FHIT: variants seen among roughly 807,000 people sequenced by gnomAD.
FHIT encodes bis(5'-adenosyl)-triphosphatase.
Under a neutral mutation model 17.9 loss-of-function variants are expected in FHIT, and 19 were observed. That is an observed-to-expected ratio of 1.06 (90% CI 0.74 to 1.56). The LOEUF (loss-of-function observed/expected upper bound fraction) is 1.56, where lower values mean the gene tolerates loss of function less well. Ranked by LOEUF, FHIT falls within the 40% of genes most tolerant of loss-of-function variation. The probability of loss-of-function intolerance (pLI) is 0.00; values close to 1 mark genes in which losing one functional copy is unlikely to be tolerated. For synonymous variants in FHIT, 81 were observed against 69.7 expected (o/e 1.16, Z -0.81); for missense variants, 248 against 189.2 (o/e 1.31, Z -1.82).
chr3:60,544,899 C>A (rs908856134), intron 4 of FHIT, among the ~76,000 whole-genome samples: 12 of 152,110 alleles, frequency 7.9e-5, no homozygotes, highest in Non-Finnish European at 1.6e-4. Flanking sequence ...GCTCAGCCAA[C>A]TTATCTAGTT....
At chr3:60,710,045 C>T (rs1342031870) in intron 4 of FHIT, among the ~76,000 whole-genome samples, 1 of 139,330 alleles carries the variant, frequency 7.2e-6, no homozygotes, top group South Asian at 2.3e-4. Flanking sequence ...GTTCTTTCTG[C>T]ATACTTCCCA....
intron 4 of FHIT, among the ~76,000 whole-genome samples, chr3:60,725,934 TA>T (rs1172040945): frequency 6.6e-6 from 1 of 152,094 alleles, no homozygotes; most frequent in South Asian, 2.1e-4. Flanking sequence ...CTCACTGATG[TA>T]AAAAAATTTT....
intron 1 of FHIT, among the ~76,000 whole-genome samples, chr3:61,235,489 G>C (rs567962642): frequency 4.6e-5 from 7 of 152,114 alleles, no homozygotes; most frequent in Non-Finnish European, 1.0e-4. Context: ...ATAGATCATG[G>C]ACCTGAAATT....
intron 5 of FHIT, among the ~76,000 whole-genome samples, chr3:60,027,803 A>G (rs1253842195): frequency 1.3e-5 from 2 of 152,024 alleles, no homozygotes; most frequent in East Asian, 3.9e-4. Context: ...ATCCATCATA[A>G]TTTAGCTAAC....
intron 2 of FHIT, among the ~76,000 whole-genome samples, chr3:61,117,974 ATTTTATTAAATACTT>A (rs2036349249): frequency 6.6e-6 from 1 of 152,104 alleles, no homozygotes; most frequent in African/African-American, 2.4e-5. Context: ...ATTCTATTTC[ATTTTATTAAATACTT>A]TTATTTACTC....
At chr3:60,421,856 G>A (rs1244365781) in intron 5 of FHIT, among the ~76,000 whole-genome samples, 1 of 152,130 alleles carries the variant, frequency 6.6e-6, no homozygotes, top group African/African-American at 2.4e-5. Context: ...TGTATGTGAT[G>A]AGTATGGAAA....
At chr3:60,892,577 T>C (rs1432881884) in intron 3 of FHIT, among the ~76,000 whole-genome samples, 3 of 152,206 alleles carry the variant, frequency 2.0e-5, no homozygotes, top group Non-Finnish European at 2.9e-5. Flanking sequence ...GAAGCAGCTA[T>C]CCTTTCTCCT....
chr3:61,172,667 T>A (rs1048240673), intron 2 of FHIT, among the ~76,000 whole-genome samples: 9 of 146,628 alleles, frequency 6.1e-5, no homozygotes, highest in East Asian at 2.0e-4. Context: ...TAGATGGTTA[T>A]GTGACTATGT....
At chr3:60,910,224 G>A (rs1357417400) in intron 3 of FHIT, among the ~76,000 whole-genome samples, 1 of 152,034 alleles carries the variant, frequency 6.6e-6, no homozygotes, top group African/African-American at 2.4e-5. Context: ...AAGGCTTTCC[G>A]AGATCTTGGG....
rs371292679 is a variant in FHIT, at chr3:60,083,015, G to A, written c.104-68863C>T. ...GTGTTTATGTTACATTGCTTTTGAAGACTTTGTCATAAATTATTTCCCAAG... is the reference window on the plus strand; with the variant it reads ...GTGTTTATGTTACATTGCTTTTGAAAACTTTGTCATAAATTATTTCCCAAG... On this transcript the variant is annotated intron_variant, in intron 5 of 9. Transcript: ENST00000492590. Among the ~76,000 whole-genome samples the A allele has an allele frequency of 3.9e-5, 6 of 152,176 alleles. No homozygotes were observed. The East Asian group carries it at 7.7e-4, about 20-fold the overall frequency.
intron 5 of FHIT, among the ~76,000 whole-genome samples, chr3:60,117,546 T>C (rs34737256): frequency 0.3 from 44,374 of 146,606 alleles, 7,174 homozygotes; most frequent in Non-Finnish European, 0.36. Flanking sequence ...TAGGTAATTA[T>C]ATTTTTTATG....
intron 2 of FHIT, among the ~76,000 whole-genome samples, chr3:61,052,402 T>A (rs2034060608): frequency 6.6e-6 from 1 of 152,152 alleles, no homozygotes; most frequent in Admixed American, 6.5e-5. Flanking sequence ...TATCCAGGAC[T>A]CACACCCACG....
At chr3:60,768,893 A>T (rs1333339504) in intron 4 of FHIT, among the ~76,000 whole-genome samples, 5 of 152,214 alleles carry the variant, frequency 3.3e-5, no homozygotes, top group African/African-American at 1.2e-4. Context: ...CCCTCCAGCC[A>T]CCTGGGGGCA....
At chr3:60,144,474 C>G (rs1483355079) in intron 5 of FHIT, among the ~76,000 whole-genome samples, 3 of 152,148 alleles carry the variant, frequency 2.0e-5, no homozygotes, top group Non-Finnish European at 4.4e-5. Context: ...GCTATAGTTA[C>G]AAAGGCACCA....
intron 5 of FHIT, among the ~76,000 whole-genome samples, chr3:60,509,345 C>A (rs1248973466): frequency 6.6e-6 from 1 of 152,176 alleles, no homozygotes. Flanking sequence ...AGTCTATGAC[C>A]TGCTTCCCAT....
At chr3:61,201,219 A>G (rs1358022154) in intron 1 of FHIT, among the ~76,000 whole-genome samples, 1 of 152,218 alleles carries the variant, frequency 6.6e-6, no homozygotes, top group Non-Finnish European at 1.5e-5. Context: ...CTCTCGGAAG[A>G]AACTCACAAA....
At chr3:60,722,785 C>T (rs184623135) in intron 4 of FHIT, among the ~76,000 whole-genome samples, 6 of 146,706 alleles carry the variant, frequency 4.1e-5, no homozygotes, top group South Asian at 2.2e-4. Flanking sequence ...TGCAGTGGCG[C>T]GATCTCGGCT....
Position 59,811,366 on chromosome 3 carries a change from G to A in FHIT, c.349-59045C>T, listed in dbSNP as rs138333198. Among the ~76,000 whole-genome samples, 409 of 152,244 alleles carry A rather than the reference G, an allele frequency of 2.7e-3. 2 individuals carry two copies. The highest frequency in any genetic ancestry group is 9.6e-3 in the African/African-American group (397 of 41,542). On this transcript the variant is annotated intron_variant, in intron 8 of 9. Coordinates refer to ENST00000492590, the MANE Select transcript of FHIT (RefSeq NM_002012.4). ...ACAAAGTGATTCTCCAAATAGCTTC[G>A]TGTTTCTTTTTTTAGCCAGCATGTG... is the stretch of plus-strand genomic sequence containing the variant.
At chr3:60,001,190 G>A (rs973484472) in intron 7 of FHIT, among the ~76,000 whole-genome samples, 4 of 152,192 alleles carry the variant, frequency 2.6e-5, no homozygotes, top group Non-Finnish European at 5.9e-5. Flanking sequence ...ACAATACACT[G>A]AGAGTTTTTC....
Sources: allele counts gnomAD v4.1 joint callset (sites outside exome capture counted in the v4.1 genomes callset), GRCh38; gene constraint gnomAD v4.1.1; transcripts MANE v1.5; gene names NCBI Gene and HGNC (gene_info 2026-07-23, HGNC 2026-07-21).